Variants in SRBD1 observed in about 807,000 individuals in gnomAD.
SRBD1 encodes the protein S1 RNA-binding domain-containing protein 1.
In SRBD1, 88 loss-of-function variants were observed where a neutral mutation model predicts 115.3. That is an observed-to-expected ratio of 0.76 (90% CI 0.64 to 0.91). The LOEUF (loss-of-function observed/expected upper bound fraction) is 0.91. SRBD1 is among the 40% of genes least tolerant of loss of function. The probability of loss-of-function intolerance (pLI) is 0.00; values close to 1 mark genes in which losing one functional copy is unlikely to be tolerated. For synonymous variants in SRBD1, 509 were observed against 407.7 expected (o/e 1.25, Z -2.99); for missense variants, 1,385 against 1,177.4 (o/e 1.18, Z -2.58).
At chr2:45,485,958 T>C (rs1007689813) in intron 15 of SRBD1, among the ~76,000 whole-genome samples, 1 of 152,204 alleles carries the variant, frequency 6.6e-6, no homozygotes, top group Non-Finnish European at 1.5e-5. Context: ...AGGTATATAT[T>C]AAACATGGTC....
intron 14 of SRBD1, 70 bp downstream of exon 14, chr2:45,546,662 G>T: frequency 7.1e-7 from 1 of 1,408,906 alleles, no homozygotes. Context: ...GAGAAGGGAG[G>T]ATTCATCACA....
chr2:45,413,421 T>C (rs1667665386), intron 18 of SRBD1, 128 bp from the exon 19 acceptor site: 1 of 1,089,764 alleles, frequency 9.2e-7, no homozygotes, highest in Non-Finnish European at 1.3e-6. Context: ...TTTGACCTTT[T>C]ACTTCATAGA....
intron 10 of SRBD1, among the ~76,000 whole-genome samples, chr2:45,555,777 C>CTACCT (rs1672456203): frequency 6.6e-6 from 1 of 152,138 alleles, no homozygotes; most frequent in African/African-American, 2.4e-5. Flanking sequence ...CAGGCGTGAG[C>CTACCT]TACCTCGCCA....
chr2:45,546,480 A>T, intron 14 of SRBD1: 1 of 497,142 alleles, frequency 2.0e-6, no homozygotes. Context: ...AGAAAATCCA[A>T]TGAAACTGAG....
At chr2:45,547,976 G>A (rs979509109) in intron 12 of SRBD1, among the ~76,000 whole-genome samples, 17 of 151,958 alleles carry the variant, frequency 1.1e-4, no homozygotes, top group Non-Finnish European at 2.1e-4. Flanking sequence ...TTTTCTGGTT[G>A]TAGATACATG....
At position 45,522,470 on chromosome 2, in the gene SRBD1, T is replaced by C. The variant is rs115038647; in HGVS notation, c.1874+24262A>G. 1.5e-3 allele frequency among the ~76,000 whole-genome samples: 232 copies of C among 152,294 alleles called. 1 individual carries two copies. Among genetic ancestry groups the C allele is most frequent in the African/African-American group, 5.3e-3 (222 of 41,564 alleles). ...TGGGATTATGGGCATGAGCCATGCATGGTGCCTGGCCCAAAATCTGAGCAC... is the reference window on the plus strand; with the variant it reads ...TGGGATTATGGGCATGAGCCATGCACGGTGCCTGGCCCAAAATCTGAGCAC... On this transcript the variant is annotated intron_variant, in intron 14 of 20. Transcript: ENST00000263736.
At chr2:45,512,122 C>T (rs1670989491) in intron 14 of SRBD1, among the ~76,000 whole-genome samples, 1 of 152,198 alleles carries the variant, frequency 6.6e-6, no homozygotes, top group Admixed American at 6.5e-5. Flanking sequence ...GACCAACATG[C>T]TTTTGTCAAG....
intron 16 of SRBD1, chr2:45,447,859 A>G (rs1668875090): frequency 6.6e-6 from 1 of 152,178 alleles, no homozygotes; most frequent in Non-Finnish European, 1.5e-5. Context: ...TGGGGCAGAG[A>G]ATATTTACAT....
intron 14 of SRBD1, among the ~76,000 whole-genome samples, chr2:45,539,106 A>G (rs908548635): frequency 1.3e-5 from 2 of 152,166 alleles, no homozygotes; most frequent in Admixed American, 6.5e-5. Flanking sequence ...AGCAAATTTT[A>G]CATTTAAAGA....
intron 5 of SRBD1, among the ~76,000 whole-genome samples, chr2:45,583,515 C>T (rs978748347): frequency 2.0e-5 from 3 of 152,150 alleles, no homozygotes; most frequent in African/African-American, 7.2e-5. Context: ...AAATGTTTTA[C>T]GTTGCAACCC....
intron 6 of SRBD1, among the ~76,000 whole-genome samples, chr2:45,581,107 A>T (rs935214293): frequency 2.6e-5 from 4 of 152,106 alleles, no homozygotes; most frequent in South Asian, 4.2e-4. Context: ...AAATATATAT[A>T]TTTTTTTCAG....
intron 16 of SRBD1, among the ~76,000 whole-genome samples, chr2:45,475,743 G>A (rs1669785048): frequency 6.6e-6 from 1 of 152,190 alleles, no homozygotes; most frequent in African/African-American, 2.4e-5. Context: ...CTGTCACCCA[G>A]GCTAGAGTGC....
intron 16 of SRBD1, among the ~76,000 whole-genome samples, chr2:45,433,495 T>C (rs944324777): frequency 1.3e-5 from 2 of 152,222 alleles, no homozygotes; most frequent in African/African-American, 4.8e-5. Flanking sequence ...GCAAGTTTAC[T>C]TCTTCATTTT....
chr2:45,541,933 C>T (rs781091031), intron 14 of SRBD1, among the ~76,000 whole-genome samples: 14 of 152,346 alleles, frequency 9.2e-5, no homozygotes, highest in Middle Eastern at 6.8e-3. Context: ...TTCACACTCC[C>T]GGCCACAGAC....
At chr2:45,470,490 G>A (rs571764627) in intron 16 of SRBD1, among the ~76,000 whole-genome samples, 47 of 152,156 alleles carry the variant, frequency 3.1e-4, no homozygotes, top group Non-Finnish European at 6.3e-4. Flanking sequence ...GCACAAAGGA[G>A]GAAAGAGCAC....
At chr2:45,509,646 C>CAG (rs1317809950) in intron 14 of SRBD1, among the ~76,000 whole-genome samples, 1 of 150,234 alleles carries the variant, frequency 6.7e-6, no homozygotes. Flanking sequence ...CACACACACA[C>CAG]GCAAAGAAGA....
intron 16 of SRBD1, among the ~76,000 whole-genome samples, chr2:45,454,886 G>C (rs910764841): frequency 2.0e-5 from 3 of 151,760 alleles, no homozygotes; most frequent in Non-Finnish European, 4.4e-5. Context: ...AATAATCACA[G>C]AAAGTAAGAA....
intron 19 of SRBD1, among the ~76,000 whole-genome samples, chr2:45,409,468 C>T (rs1361884987): frequency 6.9e-6 from 1 of 145,930 alleles, no homozygotes; most frequent in Non-Finnish European, 1.5e-5. Flanking sequence ...TCTACTCTCA[C>T]CATTCCTGTT....
intron 18 of SRBD1, 98 bp downstream of exon 18, chr2:45,418,267 T>C (rs1667889912): frequency 2.1e-6 from 3 of 1,408,948 alleles, no homozygotes; most frequent in Middle Eastern, 3.7e-4. Context: ...GCATGAACAA[T>C]GGACACTTAG....
Sources: allele counts gnomAD v4.1 joint callset (sites outside exome capture counted in the v4.1 genomes callset), GRCh38; gene constraint gnomAD v4.1.1; transcripts MANE v1.5; gene names NCBI Gene and HGNC (gene_info 2026-07-23, HGNC 2026-07-21).